RERE: variants seen among roughly 807,000 people sequenced by gnomAD.
The protein encoded by RERE is arginine-glutamic acid dipeptide repeats protein.
Under a neutral mutation model 146.1 loss-of-function variants are expected in RERE, and 40 were observed. The ratio of observed to expected loss-of-function variants is 0.27; its 90% CI spans 0.21 to 0.36. The LOEUF is 0.36. RERE is among the 10% of genes least tolerant of loss of function. The probability of loss-of-function intolerance (pLI) is 1.00; values close to 1 mark genes in which losing one functional copy is unlikely to be tolerated. For missense variants in RERE, 1,933 were observed against 2,138.7 expected, an observed-to-expected ratio of 0.90 and a Z score of 1.90; for synonymous variants, 1,003 against 866.0, an observed-to-expected ratio of 1.16 and a Z score of -2.78.
intron 7 of RERE, among the ~76,000 whole-genome samples, chr1:8,532,237 T>C (rs1180925083): frequency 3.9e-5 from 6 of 152,198 alleles, no homozygotes; most frequent in African/African-American, 1.4e-4. Flanking sequence ...ACATTTTACA[T>C]TCATGTTCAT....
chr1:8,396,828 T>C (rs1451487227), intron 12 of RERE, among the ~76,000 whole-genome samples: 1 of 152,224 alleles, frequency 6.6e-6, no homozygotes, highest in Non-Finnish European at 1.5e-5. Flanking sequence ...AAGTGAACTT[T>C]TTCCACAATG....
At chr1:8,570,495 T>C (rs1646207978) in intron 4 of RERE, among the ~76,000 whole-genome samples, 1 of 152,228 alleles carries the variant, frequency 6.6e-6, no homozygotes, top group South Asian at 2.1e-4. Flanking sequence ...AACACTTTTA[T>C]TTCTGCAAAT....
rs375357243 is a variant in RERE, at chr1:8,771,794, C to G, written c.-145+45366G>C. 1.9e-3 allele frequency among the ~76,000 whole-genome samples: 281 copies of G among 150,540 alleles called. 2 individuals are homozygous for G. The highest frequency in any genetic ancestry group is 6.6e-3 in the African/African-American group (272 of 40,996). On this transcript the variant is annotated intron_variant, in intron 1 of 22. Coordinates refer to ENST00000400908, the MANE Select transcript of RERE (RefSeq NM_001042681.2). ...GCGCGGTGGCGGGTGCCTGTAGTCC[C>G]AGCTACTCGGGAGGCAGAGGCAGGA...
intron 18 of RERE, 61 bp from the exon 19 acceptor site, chr1:8,360,047 C>T: frequency 6.3e-7 from 1 of 1,592,284 alleles, no homozygotes; most frequent in South Asian, 1.1e-5. Context: ...GCCCTCCCTC[C>T]CACCAGAACT....
chr1:8,568,507 T>C (rs1646178844), intron 4 of RERE, among the ~76,000 whole-genome samples: 1 of 152,228 alleles, frequency 6.6e-6, no homozygotes, highest in Non-Finnish European at 1.5e-5. Flanking sequence ...GATAACTCAT[T>C]AATTCATTGA....
intron 1 of RERE, among the ~76,000 whole-genome samples, chr1:8,675,986 G>T (rs1007993575): frequency 6.6e-6 from 1 of 152,048 alleles, no homozygotes; most frequent in African/African-American, 2.4e-5. Flanking sequence ...TTCAGATATC[G>T]TATTTTTGGA....
intron 8 of RERE, among the ~76,000 whole-genome samples, chr1:8,502,290 G>C (rs1570353409): frequency 8.5e-6 from 1 of 117,534 alleles, no homozygotes; most frequent in South Asian, 3.2e-4. Context: ...CTACTGGGAA[G>C]TGAGGAGCCC....
At chr1:8,392,284 AAGAAAT>A (rs1251402750) in intron 12 of RERE, among the ~76,000 whole-genome samples, 1 of 152,268 alleles carries the variant, frequency 6.6e-6, no homozygotes, top group African/African-American at 2.4e-5. Context: ...GGGCATTTGT[AAGAAAT>A]AGAAATAAAC....
At chr1:8,715,472 T>A (rs1639747089) in intron 1 of RERE, among the ~76,000 whole-genome samples, 1 of 151,892 alleles carries the variant, frequency 6.6e-6, no homozygotes, top group Non-Finnish European at 1.5e-5. Flanking sequence ...GATTGCACCA[T>A]TGCATTCCAG....
chr1:8,355,792 TCTGCCTGGAC>T (rs1641266956), intron 21 of RERE, among the ~76,000 whole-genome samples, 193 bp from the exon 22 acceptor site: 1 of 152,014 alleles, frequency 6.6e-6, no homozygotes, highest in Non-Finnish European at 1.5e-5. Context: ...CTTGGGTGCC[TCTGCCTGGAC>T]CTGCCTGGCC....
intron 1 of RERE, among the ~76,000 whole-genome samples, chr1:8,730,420 G>A (rs1016174179): frequency 5.3e-5 from 8 of 152,184 alleles, no homozygotes; most frequent in Non-Finnish European, 8.8e-5. Flanking sequence ...TCGGCTCACC[G>A]CGAGCTCCGC....
At chr1:8,687,305 T>C (rs1381087459) in intron 1 of RERE, among the ~76,000 whole-genome samples, 1 of 152,144 alleles carries the variant, frequency 6.6e-6, no homozygotes, top group Non-Finnish European at 1.5e-5. Flanking sequence ...CCCTGGAAGG[T>C]GGCAAGATGT....
chr1:8,468,165 GAATA>G (rs1400989482), intron 10 of RERE, among the ~76,000 whole-genome samples: 4 of 152,004 alleles, frequency 2.6e-5, no homozygotes, highest in Non-Finnish European at 5.9e-5. Flanking sequence ...GTGGTGCAAT[GAATA>G]AATATTAACT....
At position 8,763,665 on chromosome 1, in the gene RERE, G is replaced by C. The variant is rs147383889; in HGVS notation, c.-145+53495C>G. 5.0e-3 allele frequency among the ~76,000 whole-genome samples: 754 copies of C among 152,076 alleles called. 2 individuals are homozygous for C. The highest frequency in any genetic ancestry group is 9.1e-3 in the Non-Finnish European group (616 of 67,966). On this transcript the variant is annotated intron_variant, in intron 1 of 22. Coordinates refer to ENST00000400908, the MANE Select transcript of RERE (RefSeq NM_001042681.2). ...ACAAACAAACAAAAAACAAGACCGG[G>C]CACGGTGGCTCATGCCTGTAATCCC... is the stretch of plus-strand genomic sequence containing the variant.
chr1:8,433,444 T>A (rs1644121977), intron 11 of RERE, among the ~76,000 whole-genome samples: 1 of 152,156 alleles, frequency 6.6e-6, no homozygotes, highest in African/African-American at 2.4e-5. Context: ...TAAATCCTAG[T>A]TTCAGCACAC....
At chr1:8,548,505 G>C (rs2124406832) in intron 6 of RERE, among the ~76,000 whole-genome samples, 1 of 152,256 alleles carries the variant, frequency 6.6e-6, no homozygotes, top group African/African-American at 2.4e-5. Context: ...GCAGTATTTG[G>C]CACTATAAGA....
intron 1 of RERE, among the ~76,000 whole-genome samples, chr1:8,741,141 G>A (rs367981646): frequency 6.6e-6 from 1 of 152,034 alleles, no homozygotes; most frequent in East Asian, 1.9e-4. Context: ...GGAAATTTTC[G>A]CCTCCATTAT....
At chr1:8,743,797 C>CTT (rs1180547072) in intron 1 of RERE, among the ~76,000 whole-genome samples, 2 of 152,076 alleles carry the variant, frequency 1.3e-5, no homozygotes, top group East Asian at 3.9e-4. Context: ...TCTTTAGGCC[C>CTT]ACCATGACCA....
intron 1 of RERE, among the ~76,000 whole-genome samples, chr1:8,810,352 T>C (rs907308085): frequency 1.4e-5 from 2 of 148,146 alleles, no homozygotes; most frequent in Admixed American, 6.7e-5. Context: ...ATGCCTGTAA[T>C]CCCAACACTT....
Sources: gnomAD v4.1 joint callset for allele counts (sites outside exome capture counted in the v4.1 genomes callset) on GRCh38, gnomAD v4.1.1 for gene constraint, MANE v1.5 for transcripts, NCBI Gene and HGNC (gene_info 2026-07-23, HGNC 2026-07-21) for gene names.